RYR2: variants seen among roughly 807,000 people sequenced by gnomAD.
RYR2 encodes ryanodine receptor 2, also known as cardiac muscle ryanodine receptor-calcium release channel.
A neutral mutation model predicts 601.1 loss-of-function variants in RYR2; 227 were observed. The ratio of observed to expected loss-of-function variants is 0.38; its 90% CI spans 0.34 to 0.42. RYR2 has a LOEUF of 0.42. Among genes scored for constraint, RYR2 ranks in the 10% least tolerant of loss-of-function variants. RYR2 has a pLI of 1.00. For missense variants in RYR2, 4,646 were observed against 6,156.5 expected (o/e 0.75, Z 8.21); for synonymous variants, 2,223 against 2,175.1 (o/e 1.02, Z -0.61).
chr1:237,181,579 G>A (rs549158657), intron 1 of RYR2, among the ~76,000 whole-genome samples: 1 of 151,994 alleles, frequency 6.6e-6, no homozygotes, highest in East Asian at 1.9e-4. Context: ...TTTGATGCTG[G>A]GGACAGCTGA....
At chr1:237,315,211 T>C (rs1403458175) in intron 2 of RYR2, among the ~76,000 whole-genome samples, 1 of 152,162 alleles carries the variant, frequency 6.6e-6, no homozygotes, top group Non-Finnish European at 1.5e-5. Flanking sequence ...CTTCTACCTG[T>C]ATGTGAACGA....
At chr1:237,279,211 T>G (rs910187742) in intron 2 of RYR2, among the ~76,000 whole-genome samples, 3 of 152,170 alleles carry the variant, frequency 2.0e-5, no homozygotes, top group Non-Finnish European at 4.4e-5. Context: ...AGGATTGCTA[T>G]AGTATTTGGC....
chr1:237,623,071 G>A (rs1204863362), intron 38 of RYR2, among the ~76,000 whole-genome samples: 2 of 152,178 alleles, frequency 1.3e-5, no homozygotes, highest in African/African-American at 2.4e-5. Flanking sequence ...AGAGATGTTA[G>A]CTAGAAAATA....
intron 37 of RYR2, among the ~76,000 whole-genome samples, chr1:237,616,875 G>A (rs1402047091): frequency 4.6e-5 from 7 of 152,164 alleles, no homozygotes; most frequent in African/African-American, 1.7e-4. Flanking sequence ...ATGGTGGCAG[G>A]CAAGAGGGCA....
chr1:237,676,868 A>G (rs1685446288), intron 60 of RYR2, among the ~76,000 whole-genome samples: 2 of 152,110 alleles, frequency 1.3e-5, no homozygotes, highest in South Asian at 2.1e-4. Flanking sequence ...TTCCTATTTA[A>G]TTCATTGAAA....
At chr1:237,256,496 C>T (rs559369888) in intron 1 of RYR2, among the ~76,000 whole-genome samples, 38 of 152,254 alleles carry the variant, frequency 2.5e-4, no homozygotes, top group Admixed American at 4.6e-4. Context: ...CACCTTCTTG[C>T]CTGCATCTGG....
intron 1 of RYR2, among the ~76,000 whole-genome samples, chr1:237,117,596 T>TTTCTC (rs1044648696): frequency 2.6e-5 from 4 of 152,082 alleles, no homozygotes; most frequent in Non-Finnish European, 5.9e-5. Flanking sequence ...TCTCTTCTTT[T>TTTCTC]TTCTCTTCTC....
intron 66 of RYR2, among the ~76,000 whole-genome samples, chr1:237,704,977 G>T (rs1688251005): frequency 1.3e-5 from 2 of 152,118 alleles, no homozygotes; most frequent in African/African-American, 4.8e-5. Context: ...AATCAGATAT[G>T]AGGAAATAAG....
chr1:237,669,511 C>A (rs914909651), intron 58 of RYR2, among the ~76,000 whole-genome samples: 1 of 148,370 alleles, frequency 6.7e-6, no homozygotes, highest in Non-Finnish European at 1.5e-5. Flanking sequence ...GGGGGCTGAC[C>A]CCCCCCACCT....
intron 87 of RYR2, among the ~76,000 whole-genome samples, chr1:237,775,075 CAAA>C (rs5781992): frequency 0.044 from 3,952 of 90,462 alleles, 101 homozygotes; most frequent in African/African-American, 0.12. Context: ...CAATAAGAAC[CAAA>C]AAAAAAAAAA....
intron 62 of RYR2, among the ~76,000 whole-genome samples, chr1:237,685,270 AG>A (rs1686282120): frequency 1.3e-5 from 2 of 152,332 alleles, no homozygotes; most frequent in South Asian, 4.1e-4. Flanking sequence ...ATGCCCTAAA[AG>A]TGGATTGCAC....
intron 3 of RYR2, among the ~76,000 whole-genome samples, chr1:237,347,498 C>A (rs1221188761): frequency 1.3e-5 from 2 of 152,104 alleles, no homozygotes; most frequent in East Asian, 3.9e-4. Context: ...ATGTGGATTT[C>A]ATTTAATTCT....
chr1:237,143,364 A>G (rs745639583), intron 1 of RYR2, among the ~76,000 whole-genome samples: 1 of 151,914 alleles, frequency 6.6e-6, no homozygotes, highest in African/African-American at 2.4e-5. Flanking sequence ...ACTTTCTGCA[A>G]CTCTTACCCT....
At position 237,831,564 on chromosome 1, in the gene RYR2, A is replaced by G; in HGVS notation, c.14807A>G (p.Gln4936Arg). ...AAAGATGAAACAGAACACACAGGAC[A>G]GGTAGGTAAATTATTACATGTCATC... ...INKDETEHTGQESYVWKMYQE... is the reference protein window; with the variant it reads ...INKDETEHTGRESYVWKMYQE... The change falls in exon 104 of 105, where the codon CAG becomes CGG. Residue 4936 changes from glutamine (Q) to arginine (R), a missense_variant and splice_region_variant. This residue lies in a region of RYR2 where 55 missense variants were observed against 204.7 expected (regional missense o/e 0.27). Coordinates refer to ENST00000366574, the MANE Select transcript of RYR2 (RefSeq NM_001035.3). 6.5e-7 allele frequency: 1 copy of G among 1,542,982 alleles called. No individual in the cohort carries two copies. Among genetic ancestry groups the G allele is most frequent in the Non-Finnish European group, 8.9e-7 (1 of 1,122,838 alleles).
chr1:237,348,601 A>G (rs929321238), intron 3 of RYR2, among the ~76,000 whole-genome samples: 10 of 152,182 alleles, frequency 6.6e-5, no homozygotes, highest in Admixed American at 3.3e-4. Context: ...TCTGCCCATC[A>G]TCTAGCTGCC....
intron 1 of RYR2, among the ~76,000 whole-genome samples, chr1:237,069,413 G>A (rs1012151954): frequency 5.3e-5 from 8 of 151,942 alleles, no homozygotes; most frequent in African/African-American, 1.9e-4. Context: ...TTTCAAAACA[G>A]GGCACAGCAA....
Position 237,627,884 on chromosome 1 carries a change from A to C in RYR2, c.6244A>C (p.Arg2082=). ...TGTCATTGAAGACCCCGAGCTGGTGAGGGCCATGTTTGTGTTGCTCCATCG... is the reference window on the plus strand; with the variant it reads ...TGTCATTGAAGACCCCGAGCTGGTGCGGGCCATGTTTGTGTTGCTCCATCG... The part of the protein sequence containing the change: ...ESVIEDPELV[R]AMFVLLHRQY... Residue 2082 remains arginine (R), a synonymous_variant, in exon 41 of 105, where the codon AGG becomes CGG. Transcript: ENST00000366574. The C allele has an allele frequency of 2.5e-6, 4 of 1,613,844 alleles. No homozygotes were observed. Among genetic ancestry groups the C allele is most frequent in the Non-Finnish European group, 3.4e-6 (4 of 1,179,848 alleles).
intron 1 of RYR2, among the ~76,000 whole-genome samples, chr1:237,154,237 T>C (rs563525777): frequency 6.6e-6 from 1 of 152,328 alleles, no homozygotes; most frequent in South Asian, 2.1e-4. Flanking sequence ...CAAACACTCC[T>C]AGTGGGGCTG....
intron 75 of RYR2, 106 bp from the exon 76 acceptor site, chr1:237,726,980 GC>G: frequency 1.6e-6 from 1 of 630,860 alleles, no homozygotes; most frequent in East Asian, 2.8e-5. Context: ...CTTAAGAGGG[GC>G]AACTGTTTAA....
Sources: gnomAD v4.1 joint callset for allele counts (sites outside exome capture counted in the v4.1 genomes callset) on GRCh38, gnomAD v4.1.1 for gene constraint, gnomAD v4.1.1 regional missense constraint, MANE v1.5 for transcripts, NCBI Gene and HGNC (gene_info 2026-07-23, HGNC 2026-07-21) for gene names.